The following PREX2 variants were observed in gnomAD, a reference collection of about 807,000 sequenced individuals.
PREX2 encodes phosphatidylinositol-3,4,5-trisphosphate dependent Rac exchange factor 2.
Under a neutral mutation model 203.2 loss-of-function variants are expected in PREX2, and 107 were observed. The observed-to-expected ratio is 0.53, with a 90% CI of 0.45 to 0.62. The LOEUF (loss-of-function observed/expected upper bound fraction) is 0.62. PREX2 is among the 20% of genes least tolerant of loss of function. The probability of loss-of-function intolerance (pLI) is 0.00; values close to 1 mark genes in which losing one functional copy is unlikely to be tolerated. For synonymous variants in PREX2, 672 were observed against 663.6 expected (o/e 1.01, Z -0.19); for missense variants, 1,777 against 1,955.9 (o/e 0.91, Z 1.72).
At chr8:68,002,950 C>T (rs1467740417) in intron 1 of PREX2, among the ~76,000 whole-genome samples, 1 of 152,088 alleles carries the variant, frequency 6.6e-6, no homozygotes, top group Non-Finnish European at 1.5e-5. Context: ...ACTCATATTT[C>T]AATATTGTAC....
intron 21 of PREX2, 99 bp from the exon 22 acceptor site, chr8:68,096,918 A>G (rs957221073): frequency 7.3e-6 from 7 of 956,642 alleles, no homozygotes; most frequent in Admixed American, 2.1e-5. Context: ...ACCATCCCTT[A>G]AAGAACTCTT....
chr8:68,036,878 T>C (rs1263324918), intron 6 of PREX2, among the ~76,000 whole-genome samples: 2 of 152,020 alleles, frequency 1.3e-5, no homozygotes, highest in African/African-American at 4.8e-5. Flanking sequence ...AGGCGGAGGT[T>C]GTGGCGAGCC....
rs1332013502 is a variant in PREX2 at position 68,019,616 on chromosome 8, G to A, written c.281G>A (p.Cys94Tyr). The A allele has an allele frequency of 6.2e-7, 1 of 1,612,754 alleles. No individual in the cohort carries two copies. The highest frequency in any genetic ancestry group is 1.3e-5 in the African/African-American group (1 of 75,030). The stretch of plus-strand genomic sequence containing the variant: ...GAATTCTTAAAAGTCGTGGAAGAAT[G>A]CTTACACCCCGAACCTAATGCTCAA... ...HKEFLKVVEE[C>Y]LHPEPNAQQE... The change falls in exon 3 of 40, where the codon TGC becomes TAC. Residue 94 changes from cysteine (C) to tyrosine (Y), a missense_variant. Physicochemically the swap from Cys to Tyr is radical, Grantham distance 194. Transcript: ENST00000288368.
intron 37 of PREX2, among the ~76,000 whole-genome samples, chr8:68,206,225 G>C (rs1396805037): frequency 2.6e-5 from 4 of 152,158 alleles, no homozygotes; most frequent in African/African-American, 9.7e-5. Flanking sequence ...CGGTGAAATG[G>C]GAATAATGAT....
At position 68,024,073 on chromosome 8, in the gene PREX2, C is replaced by T. The variant is rs147898531; in HGVS notation, c.441+1933C>T. 2.0e-3 allele frequency among the ~76,000 whole-genome samples: 310 copies of T among 152,034 alleles called. 2 individuals carry two copies. Among genetic ancestry groups the T allele is most frequent in the Middle Eastern group, 0.017 (5 of 294 alleles). Reference sequence around the variant, plus strand: ...TCAGTAGGAAAACATTTAGTCCTTCCGCATTAAGTATGATGTTTGCTATTG... The same window carrying T: ...TCAGTAGGAAAACATTTAGTCCTTCTGCATTAAGTATGATGTTTGCTATTG... On this transcript the variant is annotated intron_variant, in intron 4 of 39. Transcript: ENST00000288368.
At chr8:68,167,667 C>T (rs754312798) in intron 35 of PREX2, among the ~76,000 whole-genome samples, 3 of 152,084 alleles carry the variant, frequency 2.0e-5, no homozygotes, top group Non-Finnish European at 4.4e-5. Flanking sequence ...TTGCCTTCTT[C>T]CATGACTTTT....
In PREX2 at chr8:68,118,558, A is replaced by G. The variant is rs1279497728; in HGVS notation, c.3335A>G (p.Asn1112Ser). 3.1e-6 allele frequency: 5 copies of G among 1,613,604 alleles called. No individual in the cohort carries two copies. Among genetic ancestry groups the G allele is most frequent in the Non-Finnish European group, 4.2e-6 (5 of 1,179,546 alleles). ...ISNRDSYSDCNSNRNSIASFT... is the reference protein window; with the variant it reads ...ISNRDSYSDCSSNRNSIASFT... ...AAACCTGTTGTTTTCAGTGACTGCA[A>G]CAGCAATAGGAATTCCATCGCCTCC... is the stretch of plus-strand genomic sequence containing the variant. The change falls in exon 27 of 40, where the codon AAC (asparagine) becomes AGC (serine). Residue 1112 changes from asparagine to serine, a missense_variant. Coordinates refer to ENST00000288368, the MANE Select transcript of PREX2 (RefSeq NM_024870.4).
chr8:68,010,826 A>G (rs1585703170), intron 1 of PREX2, among the ~76,000 whole-genome samples: 1 of 152,152 alleles, frequency 6.6e-6, no homozygotes, highest in Admixed American at 6.5e-5. Context: ...CACTATAAAC[A>G]TCATACATTT....
intron 37 of PREX2, among the ~76,000 whole-genome samples, chr8:68,208,913 A>G (rs1284351201): frequency 6.6e-6 from 1 of 151,754 alleles, no homozygotes; most frequent in Admixed American, 6.6e-5. Context: ...ACATAGCGAG[A>G]CCCTATCTCC....
chr8:67,964,628 G>GT (rs945293125), intron 1 of PREX2, among the ~76,000 whole-genome samples: 37 of 149,698 alleles, frequency 2.5e-4, no homozygotes, highest in Admixed American at 3.3e-4. Flanking sequence ...GGTTGTTTTT[G>GT]TTTTTTTTTC....
At chr8:68,092,831 T>C (rs988360019) in intron 20 of PREX2, among the ~76,000 whole-genome samples, 3 of 152,156 alleles carry the variant, frequency 2.0e-5, no homozygotes, top group Admixed American at 2.0e-4. Flanking sequence ...TGTTGTCTTA[T>C]TAAAAAGAGA....
intron 14 of PREX2, among the ~76,000 whole-genome samples, chr8:68,076,706 C>CACAT (rs1809359756): frequency 1.3e-5 from 2 of 151,586 alleles, no homozygotes; most frequent in South Asian, 4.2e-4. Flanking sequence ...CACACACACA[C>CACAT]ACACACACAC....
At chr8:68,180,648 G>C (rs533562659) in intron 35 of PREX2, among the ~76,000 whole-genome samples, 4 of 152,208 alleles carry the variant, frequency 2.6e-5, no homozygotes, top group African/African-American at 9.6e-5. Flanking sequence ...CACCAACAAG[G>C]TGCCAGGGCA....
rs556672943 is a variant in PREX2, at chr8:68,115,829, A to G, written c.3223A>G (p.Asn1075Asp). Residue 1075 changes from asparagine (N) to aspartate (D), a missense_variant, in exon 26 of 40, where the codon AAT becomes GAT. Transcript: ENST00000288368. ...GGGCATAATACCAACAGACAGTGAC[A>G]ATGAGAAGGGAGAAAGAAACAGCAA... ...SEGIIPTDSDNEKGERNSKRV... is the reference protein window; with the variant it reads ...SEGIIPTDSDDEKGERNSKRV... 5.0e-6 allele frequency: 8 copies of G among 1,613,930 alleles called. No individual in the cohort carries two copies. In the East Asian group the frequency reaches 1.6e-4, roughly 31 times the overall value.
At chr8:67,968,474 T>C (rs1226185927) in intron 1 of PREX2, among the ~76,000 whole-genome samples, 1 of 152,236 alleles carries the variant, frequency 6.6e-6, no homozygotes, top group African/African-American at 2.4e-5. Flanking sequence ...CCATCATCAT[T>C]ACCAACTTCA....
In PREX2 at chr8:67,962,527, A is replaced by AT. The variant is rs1166070074; in HGVS notation, c.141+9996dup. Among the ~76,000 whole-genome samples the AT allele has an allele frequency of 5.9e-5, 9 of 151,672 alleles. No homozygotes were observed. In the East Asian group the frequency reaches 1.7e-3, roughly 29 times the overall value. ...AGGTATGTGGATGAAGGGGGCTTTC[A>AT]TTTTCTATACTGTATAACTATGTCA... On this transcript the variant is annotated intron_variant, in intron 1 of 39. Coordinates refer to ENST00000288368, the MANE Select transcript of PREX2 (RefSeq NM_024870.4).
At chr8:68,095,255 T>C (rs557535286) in intron 21 of PREX2, among the ~76,000 whole-genome samples, 14 of 152,090 alleles carry the variant, frequency 9.2e-5, no homozygotes, top group Admixed American at 2.0e-4. Flanking sequence ...AACTCTAGCC[T>C]CTCTCCCCTC....
chr8:68,025,389 A>C (rs1263911659), intron 4 of PREX2, among the ~76,000 whole-genome samples: 1 of 151,546 alleles, frequency 6.6e-6, no homozygotes, highest in Non-Finnish European at 1.5e-5. Context: ...TGGTTGTTAT[A>C]CTTTATATGA....
intron 1 of PREX2, among the ~76,000 whole-genome samples, chr8:68,004,983 A>G (rs147793670): frequency 1.5e-3 from 227 of 152,330 alleles, no homozygotes; most frequent in African/African-American, 5.1e-3. Context: ...TGTTTTAAAT[A>G]ATTTTGAGAA....
Sources: allele counts gnomAD v4.1 joint callset (sites outside exome capture counted in the v4.1 genomes callset), GRCh38; gene constraint gnomAD v4.1.1; transcripts MANE v1.5; gene names NCBI Gene and HGNC (gene_info 2026-07-23, HGNC 2026-07-21).